CLIC6: variants seen among roughly 807,000 people sequenced by gnomAD.
CLIC6 encodes the protein CLIC family member 6, also known as chloride intracellular channel protein 6.
Under a neutral mutation model 49.2 loss-of-function variants are expected in CLIC6, and 39 were observed. The ratio of observed to expected loss-of-function variants is 0.79; its 90% confidence interval spans 0.61 to 1.04. The LOEUF is 1.04. Ranked by LOEUF, CLIC6 falls within the 50% of genes least tolerant of loss-of-function variation. CLIC6 has a pLI of 0.00. For missense variants in CLIC6, 988 were observed against 993.1 expected (o/e 0.99, Z 0.07); for synonymous variants, 446 against 433.4 (o/e 1.03, Z -0.36).
In CLIC6 at chr21:34,714,707, A is replaced by AAC. The variant is rs1555879937; in HGVS notation, c.1900-1613_1900-1612insCA. Among the ~76,000 whole-genome samples, 191 of 151,448 alleles carry AAC rather than the reference A, an allele frequency of 1.3e-3. 2 individuals carry two copies. Among genetic ancestry groups the AAC allele is most frequent in the African/African-American group, 4.3e-3 (176 of 40,940 alleles). ...CTCAAAAAAACAAAAAAAAAAAAAA[A>AAC]AAACTTGATAAATCAAGAAATAGAG... is the stretch of plus-strand genomic sequence containing the variant. On this transcript the variant is annotated intron_variant, in intron 5 of 5. Transcript: ENST00000349499.
At chr21:34,716,288 T>C (rs775434573) in intron 5 of CLIC6, 33 bp from the exon 6 acceptor site, 1 of 1,595,918 alleles carries the variant, frequency 6.3e-7, no homozygotes, top group Non-Finnish European at 8.5e-7. Flanking sequence ...TAGCAAGTTT[T>C]CCCTTTACTG....
intron 1 of CLIC6, among the ~76,000 whole-genome samples, chr21:34,677,826 C>T (rs1175875008): frequency 1.3e-5 from 2 of 152,128 alleles, no homozygotes; most frequent in Non-Finnish European, 2.9e-5. Flanking sequence ...CGTATATATA[C>T]CAGGGGTTAG....
chr21:34,677,432 C>A (rs1043484801), intron 1 of CLIC6, among the ~76,000 whole-genome samples: 2 of 152,254 alleles, frequency 1.3e-5, no homozygotes, highest in African/African-American at 4.8e-5. Flanking sequence ...GTGTGTTCAG[C>A]TGCAATTAAT....
intron 1 of CLIC6, among the ~76,000 whole-genome samples, chr21:34,697,850 G>A (rs916595749): frequency 1.3e-5 from 2 of 152,214 alleles, no homozygotes; most frequent in Admixed American, 1.3e-4. Context: ...TCTCCTTCAG[G>A]AGGAGTGGTT....
intron 1 of CLIC6, among the ~76,000 whole-genome samples, chr21:34,702,166 G>A (rs563995555): frequency 1.1e-4 from 17 of 152,260 alleles, no homozygotes; most frequent in Admixed American, 2.0e-4. Flanking sequence ...CCTGATGACC[G>A]AAGATGGGGG....
intron 1 of CLIC6, chr21:34,705,948 C>T (rs1474795926): frequency 3.5e-6 from 2 of 578,926 alleles, no homozygotes; most frequent in South Asian, 2.5e-5. Flanking sequence ...TTCCTAGGCC[C>T]CATGCAGCAG....
At chr21:34,696,430 A>T (rs1990088354) in intron 1 of CLIC6, among the ~76,000 whole-genome samples, 1 of 152,208 alleles carries the variant, frequency 6.6e-6, no homozygotes, top group South Asian at 2.1e-4. Flanking sequence ...TAAACAAGCC[A>T]ACTCCCATCA....
chr21:34,674,232 C>A (rs1230415514), intron 1 of CLIC6, among the ~76,000 whole-genome samples: 1 of 152,104 alleles, frequency 6.6e-6, no homozygotes, highest in Non-Finnish European at 1.5e-5. Flanking sequence ...ACCACAGGCA[C>A]ACACCATTAC....
chr21:34,698,194 C>T (rs1373675644), intron 1 of CLIC6, among the ~76,000 whole-genome samples: 1 of 152,148 alleles, frequency 6.6e-6, no homozygotes. Flanking sequence ...TCATGGGGTA[C>T]CTTCCGTGGT....
intron 5 of CLIC6, among the ~76,000 whole-genome samples, chr21:34,716,028 C>T (rs1276428051): frequency 1.3e-5 from 2 of 152,180 alleles, no homozygotes; most frequent in African/African-American, 4.8e-5. Flanking sequence ...AAGAGAAATC[C>T]ACCAGAGTCC....
intron 2 of CLIC6, 121 bp downstream of exon 2, chr21:34,707,510 T>C (rs2145818064): frequency 1.4e-6 from 1 of 713,750 alleles, no homozygotes; most frequent in East Asian, 2.7e-5. Context: ...CCATCCTCAG[T>C]CGGAGTCTGA....
At chr21:34,675,388 G>A (rs916296979) in intron 1 of CLIC6, among the ~76,000 whole-genome samples, 1 of 152,140 alleles carries the variant, frequency 6.6e-6, no homozygotes, top group African/African-American at 2.4e-5. Context: ...CACTGGGAGA[G>A]AGCATGTTGG....
rs1214196025 is a variant in CLIC6 at position 34,707,977 on chromosome 21, A to C, written c.1518A>C (p.Gly506=). The part of the protein sequence containing the change: ...KPADLQNLAP[G]TNPPFMTFDG... ...CAGACCTGCAGAACCTGGCTCCCGGAACAAACCCTCCTTTCATGACTTTTG... is the reference window on the plus strand; with the variant it reads ...CAGACCTGCAGAACCTGGCTCCCGGCACAAACCCTCCTTTCATGACTTTTG... Residue 506 remains glycine, a synonymous_variant, in exon 3 of 6, where the codon GGA becomes GGC. Coordinates refer to ENST00000349499, the MANE Select transcript of CLIC6 (RefSeq NM_053277.3). 3 of 1,614,144 alleles carry C rather than the reference A, an allele frequency of 1.9e-6. No homozygotes were observed. In the South Asian group the frequency reaches 3.3e-5, roughly 18 times the overall value.
intron 1 of CLIC6, among the ~76,000 whole-genome samples, chr21:34,693,735 A>G (rs1311599181): frequency 6.6e-6 from 1 of 152,200 alleles, no homozygotes; most frequent in African/African-American, 2.4e-5. Flanking sequence ...GCCTGCCCAC[A>G]GTTCAGGTCG....
At chr21:34,682,398 A>T (rs1989794435) in intron 1 of CLIC6, among the ~76,000 whole-genome samples, 1 of 152,168 alleles carries the variant, frequency 6.6e-6, no homozygotes, top group African/African-American at 2.4e-5. Context: ...ATTATGTGTG[A>T]GGTCGAGTAT....
intron 5 of CLIC6, among the ~76,000 whole-genome samples, chr21:34,713,540 C>T (rs972536523): frequency 3.3e-5 from 5 of 152,006 alleles, no homozygotes; most frequent in East Asian, 1.9e-4. Flanking sequence ...TGTTTGTAGC[C>T]GTGCTGTCAG....
At chr21:34,697,322 C>T (rs1207467000) in intron 1 of CLIC6, among the ~76,000 whole-genome samples, 2 of 152,184 alleles carry the variant, frequency 1.3e-5, no homozygotes, top group African/African-American at 2.4e-5. Context: ...AGCTGGTTCT[C>T]CACAGACTTG....
intron 5 of CLIC6, among the ~76,000 whole-genome samples, chr21:34,713,834 T>G (rs1280959037): frequency 6.6e-6 from 1 of 152,038 alleles, no homozygotes; most frequent in Non-Finnish European, 1.5e-5. Flanking sequence ...GCTTTGAGAA[T>G]AAAAAACAAC....
chr21:34,685,563 G>A (rs745339753), intron 1 of CLIC6, among the ~76,000 whole-genome samples: 2 of 152,076 alleles, frequency 1.3e-5, no homozygotes, highest in Admixed American at 6.5e-5. Context: ...TTTTAACTCC[G>A]GGTTGGATGT....
Sources: allele counts gnomAD v4.1 joint callset (sites outside exome capture counted in the v4.1 genomes callset), GRCh38; gene constraint gnomAD v4.1.1; transcripts MANE v1.5; gene names NCBI Gene and HGNC (gene_info 2026-07-23, HGNC 2026-07-21).